The following DPRX variants were observed in gnomAD, a reference collection of about 807,000 sequenced individuals.
DPRX encodes divergent paired-related homeobox.
Under a neutral mutation model 8.4 loss-of-function variants are expected in DPRX, and 11 were observed. That is an observed-to-expected ratio of 1.31 (90% CI 0.82 to 2.17). The LOEUF (loss-of-function observed/expected upper bound fraction) is 2.17, where lower values mean the gene tolerates loss of function less well. Among genes scored for constraint, DPRX ranks in the 30% most tolerant of loss-of-function variants. The pLI is 0.00. For missense variants in DPRX, 211 were observed against 236.7 expected, an observed-to-expected ratio of 0.89 and a Z score of 0.71; for synonymous variants, 72 against 87.0, an observed-to-expected ratio of 0.83 and a Z score of 0.96.
chr19:53,636,774 A>G (rs202096492), exon 3 of DPRX: 42 of 1,614,074 alleles, frequency 2.6e-5, no homozygotes, highest in Non-Finnish European at 3.4e-5. Context: ...GGCCTGGTGT[A>G]CACGGGTCAT....
the DPRX span, among the ~76,000 whole-genome samples, chr19:53,621,104 T>G: frequency 2.0e-5 from 3 of 152,154 alleles, no homozygotes; most frequent in East Asian, 5.8e-4. Context: ...TCCTTGTGCT[T>G]CTTGAAAATG....
chr19:53,628,666 C>T (rs535758486), upstream of DPRX, among the ~76,000 whole-genome samples: 139 of 151,974 alleles, frequency 9.1e-4, no homozygotes, highest in African/African-American at 2.2e-3. Context: ...CTCCACTCAC[C>T]GCCACCTCTG....
At chr19:53,632,034 A>C, upstream of DPRX, 2 of 1,602,546 alleles carry the variant, frequency 1.2e-6, no homozygotes, top group East Asian at 2.2e-5. Context: ...GGAGGAAGCT[A>C]CTTAAATCCG....
At chr19:53,621,407 A>G in the DPRX span, among the ~76,000 whole-genome samples, 1 of 152,182 alleles carries the variant, frequency 6.6e-6, no homozygotes, top group Non-Finnish European at 1.5e-5. Flanking sequence ...TGCTGGGATT[A>G]CAGGCATAAG....
At chr19:53,630,902 A>G (rs1271250380), upstream of DPRX, among the ~76,000 whole-genome samples, 1 of 151,456 alleles carries the variant, frequency 6.6e-6, no homozygotes, top group African/African-American at 2.4e-5. Flanking sequence ...GCTGGAGTGC[A>G]GTGGTGCGAT....
At chr19:53,619,675 CA>C in the DPRX span, among the ~76,000 whole-genome samples, 776 of 83,924 alleles carry the variant, frequency 9.2e-3, 7 homozygotes, top group African/African-American at 0.028. Context: ...AACTTCATCT[CA>C]AAAAAAAAAA....
chr19:53,614,846 A>G, the DPRX span, among the ~76,000 whole-genome samples: 2 of 152,000 alleles, frequency 1.3e-5, no homozygotes, highest in Non-Finnish European at 2.9e-5. Flanking sequence ...GTGGCCAGGC[A>G]TGGTGGCTCA....
chr19:53,628,257 G>A (rs2091078604), upstream of DPRX, among the ~76,000 whole-genome samples: 1 of 152,142 alleles, frequency 6.6e-6, no homozygotes, highest in East Asian at 1.9e-4. Context: ...GGGTAACACA[G>A]TGAGACCTTG....
At chr19:53,620,126 A>G in the DPRX span, among the ~76,000 whole-genome samples, 2 of 151,556 alleles carry the variant, frequency 1.3e-5, no homozygotes, top group African/African-American at 2.4e-5. Flanking sequence ...CTAGAGTGCT[A>G]TAGCGTGATC....
At chr19:53,613,380 T>C in the DPRX span, among the ~76,000 whole-genome samples, 2 of 152,234 alleles carry the variant, frequency 1.3e-5, no homozygotes, top group African/African-American at 4.8e-5. Context: ...GGAATCTCGC[T>C]CTGTCACCCA....
chr19:53,603,003 ATG>A, the DPRX span, among the ~76,000 whole-genome samples: 6 of 147,908 alleles, frequency 4.1e-5, no homozygotes, highest in East Asian at 2.0e-4. Flanking sequence ...GTGTATATGT[ATG>A]TGTGTGTGTG....
chr19:53,623,896 G>GCGCAA, the DPRX span, among the ~76,000 whole-genome samples: 5 of 151,610 alleles, frequency 3.3e-5, no homozygotes, highest in Non-Finnish European at 5.9e-5. Flanking sequence ...GTTGCAGTGA[G>GCGCAA]CCAAGATTGC....
At chr19:53,630,605 G>C (rs1019736547), upstream of DPRX, among the ~76,000 whole-genome samples, 1 of 151,842 alleles carries the variant, frequency 6.6e-6, no homozygotes, top group African/African-American at 2.4e-5. Context: ...CGAGGCTGCA[G>C]TCAGCTGTGT....
At chr19:53,617,183 T>C in the DPRX span, 1 of 1,005,202 alleles carries the variant, frequency 9.9e-7, no homozygotes, top group Non-Finnish European at 1.6e-6. Flanking sequence ...TGGATTCGTC[T>C]GTGTCCTATT....
At chr19:53,603,178 A>C in the DPRX span, among the ~76,000 whole-genome samples, 1 of 150,940 alleles carries the variant, frequency 6.6e-6, no homozygotes, top group East Asian at 2.0e-4. Context: ...CAGCCTCCCA[A>C]AGTGCTGGGA....
At chr19:53,625,937 G>GC in the DPRX span, among the ~76,000 whole-genome samples, 2 of 149,752 alleles carry the variant, frequency 1.3e-5, no homozygotes, top group Non-Finnish European at 3.0e-5. Flanking sequence ...TGTGCCCAGT[G>GC]CCCCCCCTTT....
the DPRX span, among the ~76,000 whole-genome samples, chr19:53,610,651 C>T: frequency 6.6e-6 from 1 of 152,164 alleles, no homozygotes; most frequent in East Asian, 1.9e-4. Flanking sequence ...CAACCAGCGG[C>T]CCATAGGCTG....
intron 2 of DPRX, among the ~76,000 whole-genome samples, chr19:53,636,281 G>T (rs533631593): frequency 2.0e-5 from 3 of 152,018 alleles, no homozygotes; most frequent in Non-Finnish European, 4.4e-5. Context: ...CAGAAGCATC[G>T]CTTGAACCTG....
At chr19:53,602,660 G>T in the DPRX span, among the ~76,000 whole-genome samples, 2 of 151,392 alleles carry the variant, frequency 1.3e-5, no homozygotes, top group Admixed American at 1.3e-4. Context: ...CAGTCTCCCC[G>T]AGTAGCTGGG....
Sources: gnomAD v4.1 joint callset for allele counts (sites outside exome capture counted in the v4.1 genomes callset) on GRCh38, gnomAD v4.1.1 for gene constraint, MANE v1.5 for transcripts, NCBI Gene and HGNC (gene_info 2026-07-23, HGNC 2026-07-21) for gene names.